Variants in NCOA2 observed in about 807,000 individuals in gnomAD.
NCOA2 encodes the protein class E basic helix-loop-helix protein 75.
In NCOA2, 21 loss-of-function variants were observed where a neutral mutation model predicts 145.1. That is an observed-to-expected ratio of 0.14 (90% CI 0.10 to 0.21). The LOEUF (loss-of-function observed/expected upper bound fraction) is 0.21, where lower values mean the gene tolerates loss of function less well. Ranked by LOEUF, NCOA2 falls within the 10% of genes least tolerant of loss-of-function variation. The pLI, the probability that NCOA2 is intolerant of heterozygous loss-of-function variation, is 1.00. For synonymous variants in NCOA2, 619 were observed against 637.5 expected (o/e 0.97, Z 0.44); for missense variants, 1,472 against 1,837.6 (o/e 0.80, Z 3.64).
At position 70,270,112 on chromosome 8, in the gene NCOA2, G is replaced by A. The variant is rs151040152; in HGVS notation, c.-20+26632C>T. ...TGGGAGAATCACTTGAGCCAGGGAG[G>A]TCGAGGCTGCAGTGAGCAGTGATCT... is the stretch of plus-strand genomic sequence containing the variant. On this transcript the variant is annotated intron_variant, in intron 2 of 22. Coordinates refer to ENST00000452400, the MANE Select transcript of NCOA2 (RefSeq NM_006540.4). Among the ~76,000 whole-genome samples the A allele has an allele frequency of 2.5e-3, 385 of 152,102 alleles. 1 individual carries two copies. The highest frequency in any genetic ancestry group is 3.3e-3 in the Non-Finnish European group (227 of 67,990).
chr8:70,239,121 A>G (rs1586213901), intron 2 of NCOA2, among the ~76,000 whole-genome samples: 1 of 152,272 alleles, frequency 6.6e-6, no homozygotes, highest in African/African-American at 2.4e-5. Flanking sequence ...AATCAACTTT[A>G]GAAGACTGTG....
intron 1 of NCOA2, among the ~76,000 whole-genome samples, chr8:70,316,844 T>C (rs536284109): frequency 8.5e-5 from 13 of 152,338 alleles, no homozygotes; most frequent in East Asian, 5.8e-4. Flanking sequence ...AGTTCTGGTG[T>C]CCAACAGTGG....
chr8:70,361,966 G>A (rs1810243962), intron 1 of NCOA2, among the ~76,000 whole-genome samples: 1 of 152,202 alleles, frequency 6.6e-6, no homozygotes, highest in Non-Finnish European at 1.5e-5. Context: ...AAGCCGTATG[G>A]CCGCAGTATA....
intron 1 of NCOA2, among the ~76,000 whole-genome samples, chr8:70,378,742 C>CAAAAA (rs1374765991): frequency 1.4e-5 from 1 of 69,760 alleles, no homozygotes; most frequent in Non-Finnish European, 2.5e-5. Flanking sequence ...GTAGGCTATG[C>CAAAAA]TAAAAAAAAA....
chr8:70,431,179 A>G, the NCOA2 span, among the ~76,000 whole-genome samples: 1 of 152,016 alleles, frequency 6.6e-6, no homozygotes, highest in African/African-American at 2.4e-5. Context: ...GGCTTGTGGA[A>G]TTATGTGTAT....
chr8:70,398,733 C>T (rs1366333097), intron 1 of NCOA2, among the ~76,000 whole-genome samples: 2 of 152,158 alleles, frequency 1.3e-5, no homozygotes, highest in African/African-American at 4.8e-5. Flanking sequence ...AAAACACCAC[C>T]ATAGGTTCCC....
At chr8:70,276,975 G>A (rs191717492) in intron 2 of NCOA2, among the ~76,000 whole-genome samples, 1 of 152,174 alleles carries the variant, frequency 6.6e-6, no homozygotes, top group Admixed American at 6.5e-5. Flanking sequence ...ATAATAAAGT[G>A]TAAGTATACT....
chr8:70,164,913 GA>G (rs1414697032), intron 7 of NCOA2, among the ~76,000 whole-genome samples: 6 of 151,766 alleles, frequency 4.0e-5, no homozygotes, highest in African/African-American at 1.5e-4. Context: ...CCATTTTACA[GA>G]CAAAAAGATC....
intron 2 of NCOA2, among the ~76,000 whole-genome samples, chr8:70,259,895 T>A (rs1458876379): frequency 6.6e-6 from 1 of 152,204 alleles, no homozygotes; most frequent in East Asian, 1.9e-4. Flanking sequence ...TTAAAATGGC[T>A]GAATAAAGAA....
intron 4 of NCOA2, among the ~76,000 whole-genome samples, chr8:70,191,396 AAGAC>A (rs1280073689): frequency 6.6e-6 from 1 of 152,226 alleles, no homozygotes. Flanking sequence ...TGCCAGTCAA[AAGAC>A]AGACAGGGTG....
At chr8:70,269,456 T>TA (rs980825249) in intron 2 of NCOA2, among the ~76,000 whole-genome samples, 5 of 151,800 alleles carry the variant, frequency 3.3e-5, no homozygotes, top group African/African-American at 4.8e-5. Flanking sequence ...ACTCTATCTC[T>TA]AAAAAAAATT....
chr8:70,335,122 CAAAAAAAAAAA>C (rs59460365), intron 1 of NCOA2, among the ~76,000 whole-genome samples: 45 of 29,474 alleles, frequency 1.5e-3, no homozygotes, highest in Middle Eastern at 0.083. Context: ...GACTCCATCT[CAAAAAAAAAAA>C]AAAAAAAAAA....
chr8:70,281,537 T>C (rs1052564177), intron 2 of NCOA2, among the ~76,000 whole-genome samples: 2 of 152,112 alleles, frequency 1.3e-5, no homozygotes, highest in African/African-American at 4.8e-5. Flanking sequence ...TAAGTACAAG[T>C]GGCTAGGGAG....
chr8:70,138,878 T>A (rs1265236122), intron 14 of NCOA2, among the ~76,000 whole-genome samples: 1 of 152,276 alleles, frequency 6.6e-6, no homozygotes, highest in Non-Finnish European at 1.5e-5. Context: ...ATATAGCATG[T>A]AAAATTTCTG....
At chr8:70,339,378 A>T (rs1007119113) in intron 1 of NCOA2, among the ~76,000 whole-genome samples, 2 of 152,052 alleles carry the variant, frequency 1.3e-5, no homozygotes, top group Non-Finnish European at 2.9e-5. Context: ...CTAACAAGGG[A>T]AGTGAAGGAC....
At chr8:70,428,183 G>C in the NCOA2 span, among the ~76,000 whole-genome samples, 7 of 152,046 alleles carry the variant, frequency 4.6e-5, no homozygotes, top group Non-Finnish European at 7.4e-5. Context: ...GTCAGGCATG[G>C]TGGTTCACAC....
intron 5 of NCOA2, among the ~76,000 whole-genome samples, chr8:70,171,613 TG>T (rs772720155): frequency 2.6e-5 from 4 of 152,236 alleles, no homozygotes; most frequent in Non-Finnish European, 5.9e-5. Flanking sequence ...TCATCATACC[TG>T]GGACCAGGGC....
intron 15 of NCOA2, among the ~76,000 whole-genome samples, chr8:70,133,123 T>C (rs2131608575): frequency 6.6e-6 from 1 of 151,096 alleles, no homozygotes; most frequent in South Asian, 2.1e-4. Flanking sequence ...CATGGCTCAC[T>C]GGGCTCAGGT....
chr8:70,198,199 G>C (rs548740204), intron 4 of NCOA2, among the ~76,000 whole-genome samples: 1 of 152,232 alleles, frequency 6.6e-6, no homozygotes, highest in Admixed American at 6.5e-5. Context: ...CCACAAAAGA[G>C]CTGTCGTGGT....
Sources: gnomAD v4.1 joint callset for allele counts (sites outside exome capture counted in the v4.1 genomes callset) on GRCh38, gnomAD v4.1.1 for gene constraint, MANE v1.5 for transcripts, NCBI Gene and HGNC (gene_info 2026-07-23, HGNC 2026-07-21) for gene names.